Variants in SRGAP3 observed in about 807,000 individuals in gnomAD.
SRGAP3 encodes the protein SLIT-ROBO Rho GTPase activating protein 3.
In SRGAP3, 39 loss-of-function variants were observed where a neutral mutation model predicts 121.1. That is an observed-to-expected ratio of 0.32 (90% CI 0.25 to 0.42). The LOEUF (loss-of-function observed/expected upper bound fraction) is 0.42. Among genes scored for constraint, SRGAP3 ranks in the 10% least tolerant of loss-of-function variants. The pLI is 1.00. For missense variants in SRGAP3, 1,213 were observed against 1,470.6 expected (o/e 0.82, Z 2.86); for synonymous variants, 601 against 570.0 (o/e 1.05, Z -0.77).
intron 4 of SRGAP3, among the ~76,000 whole-genome samples, chr3:9,070,883 G>A (rs1946674167): frequency 6.6e-6 from 1 of 152,156 alleles, no homozygotes; most frequent in African/African-American, 2.4e-5. Context: ...TAGAGATACA[G>A]GCAATTACAC....
intron 3 of SRGAP3, among the ~76,000 whole-genome samples, chr3:9,299,359 C>CAAA (rs35608018): frequency 1.1e-5 from 1 of 91,256 alleles, no homozygotes; most frequent in East Asian, 3.7e-4. Flanking sequence ...GACTCCGTCC[C>CAAA]AAAAAAAAAA....
At chr3:9,217,240 C>A (rs1952666809) in intron 1 of SRGAP3, 1 of 152,074 alleles carries the variant, frequency 6.6e-6, no homozygotes. Context: ...AATCAAAATC[C>A]ACTCTCCTTA....
At chr3:9,242,801 C>T (rs1953692820) in intron 1 of SRGAP3, among the ~76,000 whole-genome samples, 1 of 152,152 alleles carries the variant, frequency 6.6e-6, no homozygotes, top group African/African-American at 2.4e-5. Context: ...CCTCCCACCT[C>T]AACTTCCTGA....
chr3:9,334,909 T>C (rs1159796576), intron 1 of SRGAP3, among the ~76,000 whole-genome samples: 1 of 152,034 alleles, frequency 6.6e-6, no homozygotes, highest in Admixed American at 6.6e-5. Flanking sequence ...GGATAACGGG[T>C]GTGGAAAAGG....
At chr3:9,132,356 T>C (rs1173999070) in intron 1 of SRGAP3, among the ~76,000 whole-genome samples, 1 of 152,174 alleles carries the variant, frequency 6.6e-6, no homozygotes, top group Middle Eastern at 3.2e-3. Context: ...TACAGTATCA[T>C]ACAGAATAGT....
rs145120079 is a variant in SRGAP3, at chr3:9,150,281, G to A, written c.68-25364C>T. ...GTCAGGGAGAATGTCCCCAGCAGAAGACACCCTGGGCAAAGGCTGGAGGAG... is the reference window on the plus strand; with the variant it reads ...GTCAGGGAGAATGTCCCCAGCAGAAAACACCCTGGGCAAAGGCTGGAGGAG... On this transcript the variant is annotated intron_variant, in intron 1 of 21. Coordinates refer to ENST00000383836, the MANE Select transcript of SRGAP3 (RefSeq NM_014850.4). Among the ~76,000 whole-genome samples the A allele has an allele frequency of 2.4e-3, 372 of 151,992 alleles. 1 individual carries two copies. Among genetic ancestry groups the A allele is most frequent in the African/African-American group, 8.7e-3 (361 of 41,456 alleles).
chr3:9,137,973 A>G (rs1431969998), intron 1 of SRGAP3, among the ~76,000 whole-genome samples: 1 of 152,216 alleles, frequency 6.6e-6, no homozygotes, highest in African/African-American at 2.4e-5. Flanking sequence ...TTGCTGCCCA[A>G]TGGTCCCTGA....
rs116230217 is a variant in SRGAP3, at chr3:9,323,869, A to G, written n.442+2141T>C. On this transcript the variant is annotated intron_variant and non_coding_transcript_variant, in intron 3 of 3. Coordinates refer to the SRGAP3 transcript ENST00000490889. ...TACCACTGAAAAAAAGGTTTAAATT[A>G]TGATAAAAGAAAAACTTCAGCGGAA... is the stretch of plus-strand genomic sequence containing the variant. Among the ~76,000 whole-genome samples, 1,258 of 151,628 alleles carry G rather than the reference A, an allele frequency of 8.3e-3. 14 individuals carry two copies. The highest frequency in any genetic ancestry group is 0.014 in the Non-Finnish European group (977 of 67,918).
chr3:9,273,733 T>C (rs1019183222), intron 3 of SRGAP3, among the ~76,000 whole-genome samples: 4 of 152,198 alleles, frequency 2.6e-5, no homozygotes, highest in Non-Finnish European at 5.9e-5. Context: ...TACATTGAAG[T>C]CTTTGAACTA....
intron 1 of SRGAP3, among the ~76,000 whole-genome samples, chr3:9,223,709 G>C (rs1224996539): frequency 1.3e-5 from 2 of 152,142 alleles, no homozygotes; most frequent in African/African-American, 4.8e-5. Flanking sequence ...TGTTCCAAAG[G>C]CATTTTATCC....
chr3:9,341,895 A>T (rs1286135327), intron 1 of SRGAP3, among the ~76,000 whole-genome samples: 1 of 152,164 alleles, frequency 6.6e-6, no homozygotes, highest in Non-Finnish European at 1.5e-5. Context: ...CGGTAAGGCC[A>T]AGAGACATTT....
rs965614976 is a variant in SRGAP3 at position 9,058,428 on chromosome 3, C to T, written c.846G>A (p.Arg282=). The change falls in exon 7 of 22, where the codon CGG becomes CGA. Residue 282 remains arginine (R), a synonymous_variant. Coordinates refer to ENST00000383836, the MANE Select transcript of SRGAP3 (RefSeq NM_014850.4). The part of the protein sequence containing the change: ...GFHASLARTF[R]TYLSAEYNLE... ...GGTTGTATTCAGCTGAGAGATAGGT[C>T]CGGAAGGTGCGGGCCAGGCTGGCAT... The T allele has an allele frequency of 2.5e-6, 4 of 1,614,042 alleles. No homozygotes were observed. The East Asian group carries it at 6.7e-5, about 27-fold the overall frequency.
intron 1 of SRGAP3, among the ~76,000 whole-genome samples, chr3:9,158,636 C>T (rs1950504813): frequency 6.6e-6 from 1 of 152,218 alleles, no homozygotes; most frequent in Non-Finnish European, 1.5e-5. Context: ...AAATCACTCA[C>T]TTAAACCACC....
chr3:9,334,792 G>A (rs768722467), intron 1 of SRGAP3, among the ~76,000 whole-genome samples: 12 of 152,178 alleles, frequency 7.9e-5, no homozygotes, highest in Non-Finnish European at 1.3e-4. Flanking sequence ...ATGAGAAATC[G>A]TGCTCTGCTA....
At chr3:9,081,770 C>T (rs111339563) in intron 3 of SRGAP3, among the ~76,000 whole-genome samples, 1,804 of 152,234 alleles carry the variant, frequency 0.012, 20 homozygotes, top group Middle Eastern at 0.027. Flanking sequence ...TTCCATGCAG[C>T]TTGAAGAGTC....
chr3:9,216,485 C>T (rs1952632656), intron 1 of SRGAP3: 1 of 152,396 alleles, frequency 6.6e-6, no homozygotes, highest in Non-Finnish European at 1.5e-5. Context: ...CGTCTCCCAC[C>T]TTCCTCCTAC....
At chr3:9,209,857 A>G (rs540211905) in intron 1 of SRGAP3, among the ~76,000 whole-genome samples, 36 of 152,386 alleles carry the variant, frequency 2.4e-4, no homozygotes, top group Non-Finnish European at 4.4e-4. Flanking sequence ...CCACAGCAGC[A>G]TTATTCACAA....
At chr3:9,054,423 CT>C (rs79367750) in intron 8 of SRGAP3, among the ~76,000 whole-genome samples, 13,948 of 152,280 alleles carry the variant, frequency 0.092, 686 homozygotes, top group South Asian at 0.11. Flanking sequence ...AATAACTTAA[CT>C]CTTTCAACCA....
intron 4 of SRGAP3, among the ~76,000 whole-genome samples, chr3:9,072,846 T>C (rs1405133434): frequency 6.6e-6 from 1 of 152,076 alleles, no homozygotes; most frequent in Non-Finnish European, 1.5e-5. Flanking sequence ...GGAGGAAGAG[T>C]CAGGAGATAT....
Sources: allele counts gnomAD v4.1 joint callset (sites outside exome capture counted in the v4.1 genomes callset), GRCh38; gene constraint gnomAD v4.1.1; transcripts MANE v1.5; gene names NCBI Gene and HGNC (gene_info 2026-07-23, HGNC 2026-07-21).